NMU: variants seen among roughly 807,000 people sequenced by gnomAD.
NMU encodes neuromedin U, also known as neuromedin-U.
In NMU, 29 loss-of-function variants were observed where a neutral mutation model predicts 35.4. The ratio of observed to expected loss-of-function variants is 0.82; its 90% CI spans 0.61 to 1.12. The LOEUF is 1.12. Ranked by LOEUF, NMU falls within the 50% of genes most tolerant of loss-of-function variation. NMU has a pLI of 0.00. For synonymous variants in NMU, 78 were observed against 81.3 expected (o/e 0.96, Z 0.22); for missense variants, 199 against 206.2 (o/e 0.97, Z 0.21).
At chr4:55,636,780 G>A (rs1401081234), upstream of NMU, 1 of 152,396 alleles carries the variant, frequency 6.6e-6, no homozygotes, top group Non-Finnish European at 1.5e-5. The surrounding 1 kb of genome is among the most constrained non-coding windows in gnomAD (Gnocchi z 4.0). Context: ...TCAGGGCAGT[G>A]TTGGTTCAAC....
rs1203947187 is a variant in NMU, at chr4:55,625,188, AAAAG to A, written c.171+5210_171+5213del. ...TATAATTAAAAAAAAAAAAAAAAAAAAAAGAACTGATATTAGGCCTGAGTCACCT... is the reference window on the plus strand; with the variant it reads ...TATAATTAAAAAAAAAAAAAAAAAAAAACTGATATTAGGCCTGAGTCACCT... On this transcript the variant is annotated intron_variant, in intron 2 of 9. Coordinates refer to ENST00000264218, the MANE Select transcript of NMU (RefSeq NM_006681.4). 1.2e-4 allele frequency among the ~76,000 whole-genome samples: 18 copies of A among 149,734 alleles called. 1 individual carries two copies. In the East Asian group the frequency reaches 3.5e-3, roughly 29 times the overall value.
At chr4:55,613,669 C>G (rs1219898231) in intron 3 of NMU, among the ~76,000 whole-genome samples, 1 of 152,084 alleles carries the variant, frequency 6.6e-6, no homozygotes, top group Non-Finnish European at 1.5e-5. Context: ...AGTGTGGCCC[C>G]CCACATTGAC....
At chr4:55,618,718 TCTC>T (rs1356507803) in intron 2 of NMU, among the ~76,000 whole-genome samples, 6 of 132,206 alleles carry the variant, frequency 4.5e-5, no homozygotes, top group African/African-American at 8.0e-5. Flanking sequence ...TTTTCTTTCT[TCTC>T]TCTTTCTTCT....
At chr4:55,632,458 G>C (rs1252409747) in intron 1 of NMU, among the ~76,000 whole-genome samples, 1 of 152,132 alleles carries the variant, frequency 6.6e-6, no homozygotes, top group African/African-American at 2.4e-5. Flanking sequence ...AAAAGAGTTG[G>C]TTTATTTCAG....
At chr4:55,607,228 A>G (rs957349098) in intron 6 of NMU, 70 bp downstream of exon 6, 93 of 1,127,984 alleles carry the variant, frequency 8.2e-5, no homozygotes, top group Admixed American at 1.4e-4. Context: ...TAGCTCTATT[A>G]TGCTGCAAAA....
At chr4:55,627,985 A>G (rs1734600907) in intron 2 of NMU, among the ~76,000 whole-genome samples, 1 of 152,250 alleles carries the variant, frequency 6.6e-6, no homozygotes, top group Admixed American at 6.5e-5. Flanking sequence ...AAAGCTTTAG[A>G]TACATTTACT....
chr4:55,636,618 C>G (rs1446987009), upstream of NMU: 3 of 158,498 alleles, frequency 1.9e-5, no homozygotes, highest in Non-Finnish European at 4.1e-5. This position sits in a 1 kb window ranked among gnomAD's most constrained non-coding sequence, Gnocchi z 4.0. Context: ...TTGGTAGTGG[C>G]GACGCTCTCT....
At chr4:55,603,242 C>T (rs1402300000) in intron 7 of NMU, among the ~76,000 whole-genome samples, 1 of 151,954 alleles carries the variant, frequency 6.6e-6, no homozygotes, top group East Asian at 1.9e-4. Context: ...AAACTCCTGA[C>T]CTCAGGTGAT....
At chr4:55,595,628 T>G (rs1414409777) in intron 9 of NMU, among the ~76,000 whole-genome samples, 1 of 101,824 alleles carries the variant, frequency 9.8e-6, no homozygotes, top group East Asian at 2.2e-4. Context: ...TGTGTGTATA[T>G]ATATATATAT....
At chr4:55,606,704 G>A (rs184323795) in intron 6 of NMU, among the ~76,000 whole-genome samples, 10 of 146,440 alleles carry the variant, frequency 6.8e-5, no homozygotes, top group African/African-American at 2.5e-4. Context: ...TTGAGACAGA[G>A]TATCGCTCTG....
rs1320576008 is a variant in NMU, at chr4:55,607,390, G to A, written c.310-42C>T. ...GTAAGTTTTACTATAAAAATTAATG[G>A]TTCCCTTATTATTTTATAAGGTATA... On this transcript the variant is annotated intron_variant, in intron 5 of 9. Transcript: ENST00000264218. 5 of 1,363,936 alleles carry A rather than the reference G, an allele frequency of 3.7e-6. No homozygotes were observed. The African/African-American group carries it at 5.7e-5, about 16-fold the overall frequency. 84.5% of individuals were successfully genotyped at this position (1,363,936 alleles called of 1,614,324 possible).
intron 7 of NMU, among the ~76,000 whole-genome samples, chr4:55,601,489 TTACTA>T (rs1435692024): frequency 1.3e-5 from 2 of 152,112 alleles, no homozygotes; most frequent in African/African-American, 4.8e-5. Flanking sequence ...ATTTTCATCT[TTACTA>T]TAACTCCCCA....
At chr4:55,595,990 C>G (rs890752928) in intron 9 of NMU, among the ~76,000 whole-genome samples, 1 of 152,078 alleles carries the variant, frequency 6.6e-6, no homozygotes, top group Non-Finnish European at 1.5e-5. Flanking sequence ...TAATGGAACA[C>G]TTATTCTGTA....
At chr4:55,609,416 C>T (rs1341159898) in intron 3 of NMU, among the ~76,000 whole-genome samples, 1 of 151,352 alleles carries the variant, frequency 6.6e-6, no homozygotes, top group Admixed American at 6.6e-5. Context: ...GGTACATATG[C>T]ACTCATGAAG....
chr4:55,604,679 ATTTTTTTTTTTTT>A (rs767568542), intron 7 of NMU, among the ~76,000 whole-genome samples: 1 of 47,610 alleles, frequency 2.1e-5, no homozygotes. Context: ...TGCCTGGCTA[ATTTTTTTTTTTTT>A]TTTTTTTTTT....
At chr4:55,604,354 C>A (rs1378551209) in intron 7 of NMU, among the ~76,000 whole-genome samples, 7 of 151,786 alleles carry the variant, frequency 4.6e-5, no homozygotes, top group African/African-American at 2.4e-5. Flanking sequence ...GCATGAGCGA[C>A]AAGAGTTAGG....
At chr4:55,603,840 G>A (rs1733527482) in intron 7 of NMU, among the ~76,000 whole-genome samples, 1 of 148,376 alleles carries the variant, frequency 6.7e-6, no homozygotes, top group Non-Finnish European at 1.5e-5. Flanking sequence ...TGAACCCGGG[G>A]GGCGGAGCTT....
chr4:55,616,492 G>T, intron 2 of NMU, 107 bp from the exon 3 acceptor site: 1 of 846,610 alleles, frequency 1.2e-6, no homozygotes, highest in Non-Finnish European at 2.0e-6. Context: ...ACAGTTCCAT[G>T]ATAGTTTAGG....
At chr4:55,627,522 G>T (rs6843720) in intron 2 of NMU, among the ~76,000 whole-genome samples, 140,315 of 151,960 alleles carry the variant, frequency 0.92, 65,482 homozygotes, top group East Asian at 1. Flanking sequence ...AGAGAATGTC[G>T]CTCCAAATAT....
Sources: gnomAD v4.1 joint callset for allele counts (sites outside exome capture counted in the v4.1 genomes callset) on GRCh38, gnomAD v4.1.1 for gene constraint, Gnocchi (gnomAD v3.1) non-coding constraint, MANE v1.5 for transcripts, NCBI Gene and HGNC (gene_info 2026-07-23, HGNC 2026-07-21) for gene names.